KIF15: variants seen among roughly 807,000 people sequenced by gnomAD.
KIF15 encodes kinesin family member 15, also known as kinesin-like protein KIF15.
KIF15 carries 140 observed loss-of-function variants against 190.6 expected under a neutral mutation model. The ratio of observed to expected loss-of-function variants is 0.73; its 90% confidence interval spans 0.64 to 0.84. KIF15 has a LOEUF of 0.84. KIF15 is among the 40% of genes least tolerant of loss of function. The pLI, the probability that KIF15 is intolerant of heterozygous loss-of-function variation, is 0.00. For synonymous variants in KIF15, 528 were observed against 551.3 expected (o/e 0.96, Z 0.59); for missense variants, 1,372 against 1,584.4 (o/e 0.87, Z 2.28).
At chr3:44,810,819 G>A in intron 16 of KIF15, 27 bp from the exon 17 acceptor site, 1 of 1,563,750 alleles carries the variant, frequency 6.4e-7, no homozygotes, top group African/African-American at 1.4e-5. Flanking sequence ...ATGTGCTAAT[G>A]TTTTCCATAA....
At chr3:44,804,108 A>G (rs897346424) in intron 14 of KIF15, among the ~76,000 whole-genome samples, 3 of 152,172 alleles carry the variant, frequency 2.0e-5, no homozygotes, top group African/African-American at 7.2e-5. Flanking sequence ...TCGGCCTCCC[A>G]AAGTGCTGGG....
At chr3:44,852,081 G>T in intron 33 of KIF15, 127 bp from the exon 34 acceptor site, 1 of 1,416,242 alleles carries the variant, frequency 7.1e-7, no homozygotes, top group Non-Finnish European at 9.6e-7. Flanking sequence ...AGAGTTGTGA[G>T]GCCTTGAAAG....
chr3:44,765,274 C>G (rs546570265), intron 1 of KIF15, among the ~76,000 whole-genome samples: 31 of 152,356 alleles, frequency 2.0e-4, no homozygotes, highest in Middle Eastern at 3.4e-3. Context: ...CAGTATCCAT[C>G]TAATCATTTT....
rs759012318 is a variant in KIF15 at position 44,805,122 on chromosome 3, C to T, written c.1783C>T (p.Leu595=). The T allele has an allele frequency of 6.2e-7, 1 of 1,613,550 alleles. No individual in the cohort carries two copies. Among genetic ancestry groups the T allele is most frequent in the South Asian group, 1.1e-5 (1 of 90,934 alleles). The part of the protein sequence containing the change: ...KAQLLQIQTE[L]NNSKQEYEEF... ...ACAACTCCTGCAAATTCAGACAGAGCTGAATAATTCAAAGCAAGAATATGA... is the reference window on the plus strand; with the variant it reads ...ACAACTCCTGCAAATTCAGACAGAGTTGAATAATTCAAAGCAAGAATATGA... Residue 595 remains leucine (L), a synonymous_variant, in exon 15 of 35, where the codon CTG becomes TTG. Transcript: ENST00000326047.
chr3:44,793,493 C>T lies in KIF15; in HGVS notation c.640-724C>T, dbSNP rs140513469. Among the ~76,000 whole-genome samples, 36 of 152,244 alleles carry T rather than the reference C, an allele frequency of 2.4e-4. No individual in the cohort carries two copies. In the East Asian group the frequency reaches 6.2e-3, roughly 26 times the overall value. On this transcript the variant is annotated intron_variant, in intron 7 of 34. Coordinates refer to ENST00000326047, the MANE Select transcript of KIF15 (RefSeq NM_020242.3). The stretch of plus-strand genomic sequence containing the variant: ...GGCAAAACCAGTTCTAGATCCTATG[C>T]GCTCTGATTTCCTGTTTGTTCTGTT...
At chr3:44,806,099 A>G (rs536837712) in intron 16 of KIF15, 113 bp downstream of exon 16, 21 of 1,174,782 alleles carry the variant, frequency 1.8e-5, no homozygotes, top group South Asian at 3.1e-5. Flanking sequence ...CATGCAGGTA[A>G]TTAACACCGG....
chr3:44,782,429 A>G (rs1036054907), intron 5 of KIF15, among the ~76,000 whole-genome samples: 7 of 152,180 alleles, frequency 4.6e-5, no homozygotes, highest in African/African-American at 1.7e-4. Context: ...CTCTGAGGTT[A>G]TAACAACAAC....
chr3:44,864,105 G>A (rs1382401614), intron 6 of KIF15: 2 of 1,533,878 alleles, frequency 1.3e-6, no homozygotes, highest in Non-Finnish European at 1.8e-6. Context: ...AGGAGCCTGG[G>A]TGCCAGCAAC....
chr3:44,775,186 G>C (rs1404235408), intron 2 of KIF15, 68 bp from the exon 3 acceptor site: 2 of 1,265,632 alleles, frequency 1.6e-6, no homozygotes, highest in African/African-American at 1.5e-5. Context: ...GGCAATATGA[G>C]ACTTGGATCC....
chr3:44,823,971 G>C (rs115292159), intron 20 of KIF15, among the ~76,000 whole-genome samples: 2,838 of 152,238 alleles, frequency 0.019, 76 homozygotes, highest in African/African-American at 0.064. Context: ...GCGCTTCCTG[G>C]GTGAGGCGAC....
chr3:44,762,046 C>A (rs1012031469), intron 1 of KIF15, among the ~76,000 whole-genome samples, 162 bp downstream of exon 1: 8 of 152,354 alleles, frequency 5.3e-5, no homozygotes, highest in African/African-American at 1.9e-4. Context: ...CGCTCAAAGA[C>A]AATACGCTAG....
At chr3:44,852,362 A>G (rs762937729) in intron 34 of KIF15, 23 bp downstream of exon 34, 20 of 1,588,748 alleles carry the variant, frequency 1.3e-5, no homozygotes, top group Non-Finnish European at 1.5e-5. Flanking sequence ...ATTATTCTGA[A>G]TAAATTCTGT....
At chr3:44,868,498 A>T (rs1355630796) in intron 6 of KIF15, among the ~76,000 whole-genome samples, 2 of 152,164 alleles carry the variant, frequency 1.3e-5, no homozygotes, top group Admixed American at 1.3e-4. Context: ...TAGGAATGGA[A>T]TTGCTGATAT....
chr3:44,855,202 A>C (rs536946177), downstream of KIF15, among the ~76,000 whole-genome samples: 43 of 152,318 alleles, frequency 2.8e-4, no homozygotes, highest in African/African-American at 9.9e-4. Flanking sequence ...AATGTTTTGC[A>C]GGCAGGGGGT....
At position 44,852,684 on chromosome 3, in the gene KIF15, G is replaced by T. The variant is rs750123625; in HGVS notation, c.4116G>T (p.Lys1372Asn). 1.9e-6 allele frequency: 3 copies of T among 1,596,776 alleles called. No individual in the cohort carries two copies. Among genetic ancestry groups the T allele is most frequent in the Non-Finnish European group, 2.6e-6 (3 of 1,174,352 alleles). ...TTAAAATTACTTAGGAGACAGAAAAGTTGCGTGCCGAAAATGTATTTTTAA... is the reference window on the plus strand; with the variant it reads ...TTAAAATTACTTAGGAGACAGAAAATTTGCGTGCCGAAAATGTATTTTTAA... ...ENVRLAEETEKLRAENVFLKE... is the reference protein window; with the variant it reads ...ENVRLAEETENLRAENVFLKE... The change falls in exon 35 of 35, where the codon AAG (lysine) becomes AAT (asparagine). Residue 1372 changes from lysine (K) to asparagine (N), a missense_variant. Transcript: ENST00000326047.
At chr3:44,772,727 A>G (rs1318205431) in intron 1 of KIF15, among the ~76,000 whole-genome samples, 3 of 152,226 alleles carry the variant, frequency 2.0e-5, no homozygotes, top group African/African-American at 7.2e-5. Context: ...ATGGAGGGAA[A>G]GAGAATCAAC....
At chr3:44,847,395 T>G (rs1476351393) in intron 30 of KIF15, among the ~76,000 whole-genome samples, 1 of 152,230 alleles carries the variant, frequency 6.6e-6, no homozygotes, top group East Asian at 1.9e-4. Flanking sequence ...TTATCTAGAA[T>G]GTAATTTTCT....
intron 1 of KIF15, among the ~76,000 whole-genome samples, chr3:44,772,203 G>A (rs375590304): frequency 2.0e-5 from 3 of 152,320 alleles, no homozygotes; most frequent in East Asian, 3.9e-4. Context: ...TAGCCTCTCA[G>A]TGGGGCCCTT....
At chr3:44,843,278 G>A (rs1250537367) in intron 30 of KIF15, 44 bp downstream of exon 30, 5 of 1,335,996 alleles carry the variant, frequency 3.7e-6, no homozygotes, top group Non-Finnish European at 5.3e-6. Context: ...ATCTTGGCCT[G>A]CCTGTGTGGA....
Sources: allele counts gnomAD v4.1 joint callset (sites outside exome capture counted in the v4.1 genomes callset), GRCh38; gene constraint gnomAD v4.1.1; transcripts MANE v1.5; gene names NCBI Gene and HGNC (gene_info 2026-07-23, HGNC 2026-07-21).